The following MYH13 variants were observed in gnomAD, a reference collection of about 807,000 sequenced individuals.
MYH13 encodes the protein myosin heavy chain 13.
A neutral mutation model predicts 232.1 loss-of-function variants in MYH13; 177 were observed. The observed-to-expected ratio is 0.76, with a 90% CI of 0.67 to 0.86. The LOEUF (loss-of-function observed/expected upper bound fraction) is 0.86. Ranked by LOEUF, MYH13 falls within the 40% of genes least tolerant of loss-of-function variation. The pLI is 0.00. For missense variants in MYH13, 2,246 were observed against 2,405.9 expected (o/e 0.93, Z 1.39); for synonymous variants, 884 against 923.5 (o/e 0.96, Z 0.78).
intron 11 of MYH13, among the ~76,000 whole-genome samples, chr17:10,353,144 A>G (rs2071723132): frequency 6.6e-6 from 1 of 152,164 alleles, no homozygotes; most frequent in South Asian, 2.1e-4. Flanking sequence ...CTGTTTCTGT[A>G]TGTCACTTCC....
chr17:10,365,478 G>T (rs1377188291), intron 2 of MYH13, among the ~76,000 whole-genome samples: 1 of 152,202 alleles, frequency 6.6e-6, no homozygotes, highest in Non-Finnish European at 1.5e-5. Context: ...GATTCAGTAG[G>T]CCTGAAGTGG....
chr17:10,313,349 C>T lies in MYH13; in HGVS notation c.3990G>A (p.Lys1330=), dbSNP rs1906588258. 1 of 1,614,138 alleles carries T rather than the reference C, an allele frequency of 6.2e-7. No homozygotes were observed. The highest frequency in any genetic ancestry group is 1.3e-5 in the African/African-American group (1 of 74,948). ...ACTGCAGGGCGTGCGCCATGGCGTT[C>T]TTGGCCTGGGAATGACAGCGGTGAC... The part of the protein sequence containing the change: ...KRQMEEETKA[K]NAMAHALQSS... Residue 1330 remains lysine, a synonymous_variant, in exon 30 of 41, where the codon AAG becomes AAA. Coordinates refer to ENST00000252172, the MANE Select transcript of MYH13 (RefSeq NM_003802.3).
chr17:10,333,108 G>C lies in MYH13; in HGVS notation c.2140C>G (p.Pro714Ala), dbSNP rs1437593783. Reference sequence around the variant, plus strand: ...AAGTCAGCATAGAGGATCCGGCTGGGGAATCCCTTCCTGCAAATCCGGATG... The same window carrying C: ...AAGTCAGCATAGAGGATCCGGCTGGCGAATCCCTTCCTGCAAATCCGGATG... ...EGIRICRKGF[P>A]SRILYADFKQ... Residue 714 changes from proline to alanine, a missense_variant, in exon 19 of 41, where the codon CCC becomes GCC. Transcript: ENST00000252172. 6.4e-7 allele frequency: 1 copy of C among 1,551,610 alleles called. No homozygotes were observed. The highest frequency in any genetic ancestry group is 8.7e-7 in the Non-Finnish European group (1 of 1,146,970).
chr17:10,322,346 T>C (rs762449015), intron 23 of MYH13, among the ~76,000 whole-genome samples: 32 of 152,178 alleles, frequency 2.1e-4, no homozygotes, highest in Non-Finnish European at 3.2e-4. Flanking sequence ...TGCAGTGAGC[T>C]GAGATTGCAC....
intron 18 of MYH13, among the ~76,000 whole-genome samples, chr17:10,338,840 A>G (rs2071597731): frequency 6.6e-6 from 1 of 152,058 alleles, no homozygotes; most frequent in Non-Finnish European, 1.5e-5. Flanking sequence ...AGCTGGGACT[A>G]CAGGCGCCCG....
chr17:10,325,235 C>G (rs1907161102), intron 22 of MYH13, among the ~76,000 whole-genome samples: 1 of 152,230 alleles, frequency 6.6e-6, no homozygotes, highest in African/African-American at 2.4e-5. Context: ...ACTCTTCCTG[C>G]TACCACCAGT....
At position 10,320,522 on chromosome 17, in the gene MYH13, T is replaced by G; in HGVS notation, c.3112-26A>C. Reference sequence around the variant, plus strand: ...CTGAGAAGACACACAGGTAGAAAATTAAGCCCCTGCTGGGGAAGTGTTTGC... The same window carrying G: ...CTGAGAAGACACACAGGTAGAAAATGAAGCCCCTGCTGGGGAAGTGTTTGC... On this transcript the variant is annotated intron_variant, in intron 24 of 40. Transcript: ENST00000252172. The G allele has an allele frequency of 2.5e-6, 4 of 1,603,416 alleles. 1 individual carries two copies. The South Asian group carries it at 3.4e-5, about 14-fold the overall frequency.
chr17:10,344,556 G>C (rs1270400116), intron 15 of MYH13, among the ~76,000 whole-genome samples: 1 of 151,858 alleles, frequency 6.6e-6, no homozygotes, highest in Non-Finnish European at 1.5e-5. Flanking sequence ...GGTGGTTCAC[G>C]TCTGTAATCC....
At position 10,343,918 on chromosome 17, in the gene MYH13, G is replaced by A. The variant is rs371372868; in HGVS notation, c.1776C>T (p.Ile592=). 6 of 1,614,116 alleles carry A rather than the reference G, an allele frequency of 3.7e-6. No homozygotes were observed. The highest frequency in any genetic ancestry group is 3.3e-5 in the Admixed American group (2 of 60,008). ...VHYAGTVDYN[I]AGWLDKNKDP... is the part of the protein sequence containing the mutation. ...CCTTGTTTTTGTCCAGCCAGCCGGC[G>A]ATGTTGTAGTCCACGGTGCCGGCAT... The change falls in exon 16 of 41, where the codon ATC becomes ATT. Residue 592 remains isoleucine (I), a synonymous_variant. Coordinates refer to ENST00000252172, the MANE Select transcript of MYH13 (RefSeq NM_003802.3).
At chr17:10,320,053 G>T in intron 26 of MYH13, 100 bp downstream of exon 26, 1 of 850,058 alleles carries the variant, frequency 1.2e-6, no homozygotes, top group Non-Finnish European at 1.9e-6. Context: ...GCTTTAGCAG[G>T]AGGAAGGAAA....
chr17:10,321,538 T>C lies in MYH13; in HGVS notation c.3105A>G (p.Thr1035=). Residue 1035 remains threonine, a synonymous_variant, in exon 24 of 41, where the codon ACA becomes ACG. Transcript: ENST00000252172. ...IKINAKLEQQ[T]DDLEGSLEQE... ...AGTAGTAAAATATCCTCACATCATC[T>C]GTTTGCTGTTCAAGCTTGGCATTTA... The C allele has an allele frequency of 6.2e-7, 1 of 1,611,318 alleles. No individual in the cohort carries two copies. The highest frequency in any genetic ancestry group is 8.5e-7 in the Non-Finnish European group (1 of 1,179,040).
chr17:10,307,171 CT>C, intron 35 of MYH13, 107 bp from the exon 36 acceptor site: 1 of 1,416,460 alleles, frequency 7.1e-7, no homozygotes, highest in Non-Finnish European at 9.5e-7. Context: ...TGTTCCATTT[CT>C]TATTTTTCAC....
Position 10,307,009 on chromosome 17 carries a change from T to C in MYH13, c.5225A>G (p.Gln1742Arg). 6.2e-7 allele frequency: 1 copy of C among 1,614,036 alleles called. No homozygotes were observed. Among genetic ancestry groups the C allele is most frequent in the Non-Finnish European group, 8.5e-7 (1 of 1,179,898 alleles). The change falls in exon 36 of 41, where the codon CAG (glutamine) becomes CGG (arginine). Residue 1742 changes from glutamine to arginine, a missense_variant. Coordinates refer to ENST00000252172, the MANE Select transcript of MYH13 (RefSeq NM_003802.3). ...KKLEADIAQC[Q>R]AEVENSIQES... ...CTGGATCGAGTTCTCCACCTCTGCC[T>C]GGCACTGAGCTATGTCAGCCTCCAG...
Position 10,335,021 on chromosome 17 carries a change from T to A in MYH13, c.2057-1830A>T, listed in dbSNP as rs116405098. On this transcript the variant is annotated intron_variant, in intron 18 of 40. Transcript: ENST00000252172. Reference sequence around the variant, plus strand: ...AGTGGTTAAGATCCCAGCTATGCTGTTTACTAGCTTCGCGGACTTGGCCTG... The same window carrying A: ...AGTGGTTAAGATCCCAGCTATGCTGATTACTAGCTTCGCGGACTTGGCCTG... Among the ~76,000 whole-genome samples, 1,175 of 152,286 alleles carry A rather than the reference T, an allele frequency of 7.7e-3. 20 individuals carry two copies. Among genetic ancestry groups the A allele is most frequent in the African/African-American group, 0.027 (1,124 of 41,558 alleles).
chr17:10,350,219 G>A (rs2071698277), intron 12 of MYH13, among the ~76,000 whole-genome samples: 1 of 152,098 alleles, frequency 6.6e-6, no homozygotes, highest in African/African-American at 2.4e-5. Context: ...CTGCATTCTG[G>A]TGGAGAGAAG....
At position 10,303,393 on chromosome 17, in the gene MYH13, C is replaced by G; in HGVS notation, c.5571+1G>C. The G allele has an allele frequency of 6.2e-6, 10 of 1,613,902 alleles. No homozygotes were observed. The highest frequency in any genetic ancestry group is 8.5e-6 in the Non-Finnish European group (10 of 1,179,816). On this transcript the variant is annotated splice_donor_variant, in intron 38 of 40. Coordinates refer to ENST00000252172, the MANE Select transcript of MYH13 (RefSeq NM_003802.3). LOFTEE classifies it high-confidence loss of function. ...ACTGAGGAGGTTTTTGGGACCCCTA[C>G]CTGGTAAGTCATCTCCTTGACTTTG...
intron 5 of MYH13, 136 bp downstream of exon 5, chr17:10,361,982 G>T: frequency 6.5e-7 from 1 of 1,533,434 alleles, no homozygotes; most frequent in Non-Finnish European, 8.9e-7. Context: ...TGTACCCTTT[G>T]CTTTTCATCC....
intron 2 of MYH13, among the ~76,000 whole-genome samples, chr17:10,364,881 T>C (rs928271658): frequency 1.3e-5 from 2 of 152,052 alleles, no homozygotes; most frequent in African/African-American, 4.8e-5. Flanking sequence ...ACTTTCTTTC[T>C]TTCTTTCTTT....
At chr17:10,356,822 G>A (rs2071752760) in intron 8 of MYH13, among the ~76,000 whole-genome samples, 1 of 152,204 alleles carries the variant, frequency 6.6e-6, no homozygotes, top group African/African-American at 2.4e-5. Context: ...TGCTCCACTG[G>A]CCAGTGAAAT....
Sources: gnomAD v4.1 joint callset for allele counts (sites outside exome capture counted in the v4.1 genomes callset) on GRCh38, gnomAD v4.1.1 for gene constraint, MANE v1.5 for transcripts, NCBI Gene and HGNC (gene_info 2026-07-23, HGNC 2026-07-21) for gene names.